FSIP1: variants seen among roughly 807,000 people sequenced by gnomAD.
FSIP1 encodes fibrous sheath-interacting protein 1.
In FSIP1, 65 loss-of-function variants were observed where a neutral mutation model predicts 60.9. The observed-to-expected ratio is 1.07, with a 90% CI of 0.87 to 1.31. The LOEUF is 1.31. FSIP1 is among the 40% of genes most tolerant of loss of function. FSIP1 has a pLI of 0.00. For missense variants in FSIP1, 675 were observed against 665.5 expected (o/e 1.01, Z -0.16); for synonymous variants, 209 against 221.2 (o/e 0.94, Z 0.49).
chr15:39,708,771 T>C (rs1253054158), intron 10 of FSIP1, among the ~76,000 whole-genome samples: 2 of 152,234 alleles, frequency 1.3e-5, no homozygotes, highest in African/African-American at 4.8e-5. Flanking sequence ...CCAGAGCAGC[T>C]GTATGACACT....
At chr15:39,636,382 T>C (rs1892139064) in intron 10 of FSIP1, among the ~76,000 whole-genome samples, 1 of 152,210 alleles carries the variant, frequency 6.6e-6, no homozygotes, top group Admixed American at 6.5e-5. Flanking sequence ...TTTAGCACCA[T>C]AAGCTATCAC....
chr15:39,684,057 C>A (rs888077805), intron 10 of FSIP1, among the ~76,000 whole-genome samples: 1 of 152,128 alleles, frequency 6.6e-6, no homozygotes, highest in Non-Finnish European at 1.5e-5. Context: ...AAAATCCCAG[C>A]ATGATTTTCT....
chr15:39,674,118 G>T (rs566429737), intron 10 of FSIP1, among the ~76,000 whole-genome samples: 14 of 150,856 alleles, frequency 9.3e-5, no homozygotes, highest in African/African-American at 3.4e-4. Flanking sequence ...GCAGTGGCGC[G>T]ATCTCGGCTC....
intron 5 of FSIP1, among the ~76,000 whole-genome samples, chr15:39,751,962 T>C (rs941776552): frequency 3.3e-5 from 5 of 151,912 alleles, no homozygotes; most frequent in Non-Finnish European, 5.9e-5. Flanking sequence ...ATATACACAA[T>C]AAAATTTATT....
chr15:39,777,411 C>A (rs991649940), intron 1 of FSIP1, among the ~76,000 whole-genome samples: 1 of 152,154 alleles, frequency 6.6e-6, no homozygotes, highest in Admixed American at 6.5e-5. Context: ...AGAACAAAAC[C>A]TACTTCCTTT....
intron 10 of FSIP1, among the ~76,000 whole-genome samples, chr15:39,659,411 G>T (rs371264712): frequency 6.6e-6 from 1 of 151,718 alleles, no homozygotes; most frequent in East Asian, 1.9e-4. Flanking sequence ...GCGTGGTGGC[G>T]GGCGCCTGTA....
intron 10 of FSIP1, among the ~76,000 whole-genome samples, chr15:39,710,257 C>T (rs1273580381): frequency 6.6e-6 from 1 of 151,910 alleles, no homozygotes; most frequent in East Asian, 1.9e-4. Context: ...CCAAGGTGGA[C>T]AGATTGCTTG....
At chr15:39,630,693 G>A (rs531032589) in intron 10 of FSIP1, among the ~76,000 whole-genome samples, 1 of 152,304 alleles carries the variant, frequency 6.6e-6, no homozygotes, top group Admixed American at 6.5e-5. Flanking sequence ...GAATGGTCCA[G>A]GGCCCAGAAC....
chr15:39,669,275 G>A (rs1183173310), intron 10 of FSIP1, among the ~76,000 whole-genome samples: 4 of 152,206 alleles, frequency 2.6e-5, no homozygotes, highest in East Asian at 1.9e-4. Context: ...AACCCTTGCT[G>A]CATTCACAAG....
In FSIP1 at chr15:39,666,682, G is replaced by A. The variant is rs141531704; in HGVS notation, c.1188+46762C>T. On this transcript the variant is annotated intron_variant, in intron 10 of 11. Coordinates refer to ENST00000350221, the MANE Select transcript of FSIP1 (RefSeq NM_152597.5). ...AGCTGCTCCACATCTAAGTGTTCTC[G>A]TGTTTTCTTAGCGGCAGCACTGAAC... 3.4e-4 allele frequency among the ~76,000 whole-genome samples: 52 copies of A among 152,230 alleles called. No individual in the cohort carries two copies. The East Asian group carries it at 8.3e-3, about 24-fold the overall frequency.
intron 1 of FSIP1, among the ~76,000 whole-genome samples, chr15:39,778,638 A>G (rs906650749): frequency 6.6e-6 from 1 of 152,242 alleles, no homozygotes; most frequent in Non-Finnish European, 1.5e-5. Context: ...ATATGTAAAT[A>G]GTTATAATTA....
At chr15:39,635,099 G>C (rs1341423023) in intron 10 of FSIP1, among the ~76,000 whole-genome samples, 2 of 152,196 alleles carry the variant, frequency 1.3e-5, no homozygotes, top group East Asian at 3.8e-4. Flanking sequence ...ACTTTGGGAA[G>C]CCGAGGCGGG....
intron 10 of FSIP1, among the ~76,000 whole-genome samples, chr15:39,625,055 C>A (rs184618383): frequency 3.9e-5 from 6 of 152,162 alleles, no homozygotes; most frequent in Non-Finnish European, 7.3e-5. Context: ...TTATGTGGGG[C>A]CTGGCATGGC....
At chr15:39,779,649 A>C (rs1365331563) in intron 1 of FSIP1, among the ~76,000 whole-genome samples, 2 of 152,224 alleles carry the variant, frequency 1.3e-5, no homozygotes, top group African/African-American at 4.8e-5. Flanking sequence ...TCAAAATAGA[A>C]TCATATTTAC....
intron 10 of FSIP1, among the ~76,000 whole-genome samples, chr15:39,699,407 C>A (rs72727029): frequency 0.13 from 19,267 of 152,128 alleles, 1,422 homozygotes; most frequent in African/African-American, 0.19. Context: ...AGAATGGAAA[C>A]TTTGAGAATA....
At chr15:39,777,004 C>T (rs1274492960) in intron 1 of FSIP1, among the ~76,000 whole-genome samples, 1 of 152,094 alleles carries the variant, frequency 6.6e-6, no homozygotes, top group Admixed American at 6.5e-5. Flanking sequence ...TGGCTCCCTG[C>T]AACCTCTGCC....
chr15:39,750,018 C>A (rs1006923482), intron 5 of FSIP1, among the ~76,000 whole-genome samples: 1 of 151,676 alleles, frequency 6.6e-6, no homozygotes, highest in African/African-American at 2.4e-5. Flanking sequence ...TATACACAAA[C>A]AACCTAGCCT....
At position 39,739,735 on chromosome 15, in the gene FSIP1, G is replaced by A. The variant is rs1481115374; in HGVS notation, c.710C>T (p.Pro237Leu). The A allele has an allele frequency of 2.5e-6, 4 of 1,596,562 alleles. No homozygotes were observed. The highest frequency in any genetic ancestry group is 3.4e-6 in the Non-Finnish European group (4 of 1,174,304). The stretch of plus-strand genomic sequence containing the variant: ...CTCAATCTTTTCTGTATTCGAGAAA[G>A]GTTTCTTTCCTGATTTGATCAATGA... ...NESLIKSGKKPFSNTEKIELR... is the reference protein window; with the variant it reads ...NESLIKSGKKLFSNTEKIELR... Residue 237 changes from proline (P) to leucine (L), a missense_variant, in exon 7 of 12, where the codon CCT becomes CTT. Transcript: ENST00000350221.
chr15:39,693,870 C>T (rs993449471), intron 10 of FSIP1, among the ~76,000 whole-genome samples: 2 of 152,014 alleles, frequency 1.3e-5, no homozygotes, highest in Non-Finnish European at 2.9e-5. Context: ...TGCCACCTGC[C>T]TCTAAGGTTT....
Sources: allele counts gnomAD v4.1 joint callset (sites outside exome capture counted in the v4.1 genomes callset), GRCh38; gene constraint gnomAD v4.1.1; transcripts MANE v1.5; gene names NCBI Gene and HGNC (gene_info 2026-07-23, HGNC 2026-07-21).